Variants in SUMF1 observed in about 807,000 individuals in gnomAD.
SUMF1 encodes formylglycine-generating enzyme.
Under a neutral mutation model 47.6 loss-of-function variants are expected in SUMF1, and 48 were observed. That is an observed-to-expected ratio of 1.01 (90% confidence interval 0.80 to 1.28). SUMF1 has a LOEUF of 1.28. Ranked by LOEUF, SUMF1 falls within the 50% of genes most tolerant of loss-of-function variation. SUMF1 has a pLI of 0.00. For missense variants in SUMF1, 571 were observed against 485.4 expected, an observed-to-expected ratio of 1.18 and a Z score of -1.66; for synonymous variants, 230 against 192.1, an observed-to-expected ratio of 1.20 and a Z score of -1.63.
intron 8 of SUMF1, among the ~76,000 whole-genome samples, chr3:4,169,579 C>T (rs1188056077): frequency 6.6e-6 from 1 of 152,122 alleles, no homozygotes; most frequent in Non-Finnish European, 1.5e-5. Flanking sequence ...AGACTTCTAG[C>T]CTCCAGAACT....
chr3:4,177,850 A>G (rs1409741440), intron 8 of SUMF1, among the ~76,000 whole-genome samples: 11 of 152,204 alleles, frequency 7.2e-5, no homozygotes, highest in African/African-American at 1.2e-4. Flanking sequence ...AAAAAATGAT[A>G]AAGGAGATAT....
intron 8 of SUMF1, among the ~76,000 whole-genome samples, chr3:4,111,318 T>C (rs1400088695): frequency 2.0e-5 from 3 of 152,032 alleles, no homozygotes; most frequent in Non-Finnish European, 4.4e-5. Flanking sequence ...CCTGTGCAAT[T>C]CAAACCCATG....
chr3:4,044,094 C>T (rs1360040980), intron 9 of SUMF1, among the ~76,000 whole-genome samples: 2 of 152,240 alleles, frequency 1.3e-5, no homozygotes, highest in African/African-American at 2.4e-5. Flanking sequence ...AGAGGTTACA[C>T]ATAACCTATA....
chr3:4,382,284 C>A (rs1270522464), intron 7 of SUMF1, among the ~76,000 whole-genome samples: 1 of 151,890 alleles, frequency 6.6e-6, no homozygotes, highest in African/African-American at 2.4e-5. Flanking sequence ...AGAATATACA[C>A]AGCCCTATGA....
intron 8 of SUMF1, among the ~76,000 whole-genome samples, chr3:4,311,589 A>G (rs575809362): frequency 6.6e-6 from 1 of 152,320 alleles, no homozygotes; most frequent in South Asian, 2.1e-4. Context: ...CTTCTGAACA[A>G]TGAGATTATT....
intron 8 of SUMF1, among the ~76,000 whole-genome samples, chr3:4,346,593 A>G (rs1056122718): frequency 2.6e-5 from 4 of 152,166 alleles, no homozygotes; most frequent in Admixed American, 6.5e-5. Flanking sequence ...TCTCAAATCG[A>G]TACCCTAACA....
intron 8 of SUMF1, among the ~76,000 whole-genome samples, chr3:4,100,961 T>A (rs1693018443): frequency 6.6e-6 from 1 of 152,042 alleles, no homozygotes; most frequent in African/African-American, 2.4e-5. Context: ...ACATAGCAAC[T>A]CACATCTGTT....
chr3:4,240,990 T>A (rs544543796), intron 8 of SUMF1, among the ~76,000 whole-genome samples: 8 of 152,168 alleles, frequency 5.3e-5, no homozygotes, highest in African/African-American at 1.9e-4. Context: ...TTCCTAATAT[T>A]ATGAAGTAGA....
intron 8 of SUMF1, among the ~76,000 whole-genome samples, chr3:4,085,669 C>T (rs1314820373): frequency 6.6e-6 from 1 of 152,032 alleles, no homozygotes; most frequent in African/African-American, 2.4e-5. Flanking sequence ...ACCTAGACCA[C>T]CCTGGCCAGA....
intron 9 of SUMF1, among the ~76,000 whole-genome samples, chr3:4,052,167 A>G (rs1320091732): frequency 6.6e-6 from 1 of 152,052 alleles, no homozygotes; most frequent in African/African-American, 2.4e-5. Flanking sequence ...CCTGTTTCCA[A>G]GGTCACAGAT....
At chr3:4,416,977 A>T in intron 6 of SUMF1, 151 bp downstream of exon 6, 3 of 727,492 alleles carry the variant, frequency 4.1e-6, no homozygotes, top group South Asian at 2.9e-5. Context: ...AAATCTGTTT[A>T]ATTATTAGTA....
At chr3:4,168,068 C>T (rs896534851) in intron 8 of SUMF1, among the ~76,000 whole-genome samples, 2 of 152,248 alleles carry the variant, frequency 1.3e-5, no homozygotes, top group Middle Eastern at 6.8e-3. Context: ...TTGGCACTGA[C>T]CATTACCCAA....
intron 8 of SUMF1, among the ~76,000 whole-genome samples, chr3:4,253,266 G>T (rs566793774): frequency 6.6e-6 from 1 of 152,160 alleles, no homozygotes. Flanking sequence ...GAGCCAAGAT[G>T]GCCGAATAGG....
intron 8 of SUMF1, among the ~76,000 whole-genome samples, chr3:4,374,657 C>T (rs556079040): frequency 6.6e-6 from 1 of 152,152 alleles, no homozygotes; most frequent in African/African-American, 2.4e-5. Flanking sequence ...AGAGACATAA[C>T]TGGTGACAAT....
In SUMF1 at chr3:4,135,343, C is replaced by A. The variant is rs540031717; in HGVS notation, c.1015-66598G>T. 8.3e-4 allele frequency among the ~76,000 whole-genome samples: 127 copies of A among 152,118 alleles called. 2 individuals carry two copies. Among genetic ancestry groups the A allele is most frequent in the Admixed American group, 4.6e-3 (70 of 15,278 alleles). On this transcript the variant is annotated intron_variant and NMD_transcript_variant, in intron 8 of 12. Transcript: ENST00000448413. Reference sequence around the variant, plus strand: ...CATATGAAAATCAATAAATGTAATCCAGCATATAAACAGAATAAAAGACAA... The same window carrying A: ...CATATGAAAATCAATAAATGTAATCAAGCATATAAACAGAATAAAAGACAA...
At chr3:4,320,420 C>A (rs1698804557) in intron 8 of SUMF1, among the ~76,000 whole-genome samples, 1 of 152,124 alleles carries the variant, frequency 6.6e-6, no homozygotes, top group Non-Finnish European at 1.5e-5. Context: ...CTGAAATGAA[C>A]TGACAATAAA....
At chr3:4,195,676 T>C (rs1477282148) in intron 8 of SUMF1, among the ~76,000 whole-genome samples, 1 of 152,146 alleles carries the variant, frequency 6.6e-6, no homozygotes, top group African/African-American at 2.4e-5. Flanking sequence ...GTGCTGAATA[T>C]TCAAAAAGCA....
intron 8 of SUMF1, among the ~76,000 whole-genome samples, chr3:4,245,170 C>G (rs1052551054): frequency 2.6e-5 from 4 of 152,036 alleles, no homozygotes; most frequent in African/African-American, 9.7e-5. Flanking sequence ...AGCTTCCTTG[C>G]TATGGGTTGG....
intron 8 of SUMF1, among the ~76,000 whole-genome samples, chr3:4,228,998 G>C (rs1696237327): frequency 6.6e-6 from 1 of 152,162 alleles, no homozygotes; most frequent in Non-Finnish European, 1.5e-5. Flanking sequence ...GCCAAAGTGT[G>C]TGCCAATAAC....
Sources: gnomAD v4.1 joint callset for allele counts (sites outside exome capture counted in the v4.1 genomes callset) on GRCh38, gnomAD v4.1.1 for gene constraint, MANE v1.5 for transcripts, NCBI Gene and HGNC (gene_info 2026-07-23, HGNC 2026-07-21) for gene names.